The following ADARB2 variants were observed in gnomAD, a reference collection of about 807,000 sequenced individuals.
The protein encoded by ADARB2 is adenosine deaminase RNA specific B2 (inactive), also known as inactive double-stranded RNA-specific editase B2.
Under a neutral mutation model 62.2 loss-of-function variants are expected in ADARB2, and 25 were observed. The observed-to-expected ratio is 0.40, with a 90% CI of 0.29 to 0.56. The LOEUF (loss-of-function observed/expected upper bound fraction) is 0.56. Among genes scored for constraint, ADARB2 ranks in the 20% least tolerant of loss-of-function variants. The pLI, the probability that ADARB2 is intolerant of heterozygous loss-of-function variation, is 0.43. For missense variants in ADARB2, 1,071 were observed against 1,077.4 expected (o/e 0.99, Z 0.08); for synonymous variants, 572 against 500.8 (o/e 1.14, Z -1.90).
chr10:1,689,976 G>GT (rs1247629420), intron 1 of ADARB2, among the ~76,000 whole-genome samples: 3 of 152,018 alleles, frequency 2.0e-5, no homozygotes, highest in Non-Finnish European at 4.4e-5. Flanking sequence ...GAAATGTGGG[G>GT]TTTTTTTGTT....
intron 4 of ADARB2, among the ~76,000 whole-genome samples, chr10:1,251,953 C>T (rs557468653): frequency 6.6e-6 from 1 of 152,210 alleles, no homozygotes; most frequent in Admixed American, 6.5e-5. Context: ...TTGTGGACTT[C>T]CCAGCCCCCA....
rs1831413849 is a variant in ADARB2, at chr10:1,477,225, A to G, written c.101-98065T>C. On this transcript the variant is annotated intron_variant, in intron 1 of 9. Transcript: ENST00000381312. This position sits in a 1 kb window ranked among gnomAD's most constrained non-coding sequence, Gnocchi z 4.5. ...AGGAGAAGTGACTGCACTGATCAGA[A>G]GTGTGGAGTCCTGATAAGATTAGTA... is the stretch of plus-strand genomic sequence containing the variant. Among the ~76,000 whole-genome samples the G allele has an allele frequency of 6.6e-6, 1 of 152,190 alleles. No individual in the cohort carries two copies. Among genetic ancestry groups the G allele is most frequent in the Admixed American group, 6.5e-5 (1 of 15,276 alleles).
At chr10:1,694,044 C>T (rs1422550066) in intron 1 of ADARB2, among the ~76,000 whole-genome samples, 5 of 152,184 alleles carry the variant, frequency 3.3e-5, no homozygotes, top group Admixed American at 1.3e-4. Context: ...CTCTAGTAAT[C>T]GACTTCTTGG....
intron 1 of ADARB2, among the ~76,000 whole-genome samples, chr10:1,442,249 G>T (rs997329682): frequency 6.6e-5 from 10 of 152,172 alleles, no homozygotes; most frequent in African/African-American, 2.2e-4. Flanking sequence ...GACAGCTCAG[G>T]TTTCCCTCCT....
At position 1,363,423 on chromosome 10, in the gene ADARB2, C is replaced by G. The variant is rs757120138; in HGVS notation, c.682G>C (p.Glu228Gln). The change falls in exon 3 of 10, where the codon GAG (glutamate) becomes CAG (glutamine). Residue 228 changes from glutamate (E) to glutamine (Q), a missense_variant. Coordinates refer to ENST00000381312, the MANE Select transcript of ADARB2 (RefSeq NM_018702.4). ...AGTCCGGGGCGCGGCGCCGGGGGCTCGAACTCCTGGAAGAGCGTGTCGGGG... is the reference window on the plus strand; with the variant it reads ...AGTCCGGGGCGCGGCGCCGGGGGCTGGAACTCCTGGAAGAGCGTGTCGGGG... ...DFPDTLFQEFEPPAPRPGLAG... is the reference protein window; with the variant it reads ...DFPDTLFQEFQPPAPRPGLAG... The G allele has an allele frequency of 9.4e-6, 13 of 1,376,372 alleles. No individual in the cohort carries two copies. The highest frequency in any genetic ancestry group is 1.2e-5 in the Non-Finnish European group (13 of 1,063,752). The allele number at this position is 1,376,372 out of a possible 1,614,324, so 85.3% of individuals were successfully genotyped here. A position where few individuals can be genotyped will look rare whatever the true frequency, so the allele number is the denominator to read the frequency against.
At chr10:1,259,735 G>A (rs1831115725) in intron 4 of ADARB2, among the ~76,000 whole-genome samples, 1 of 152,172 alleles carries the variant, frequency 6.6e-6, no homozygotes, top group South Asian at 2.1e-4. Flanking sequence ...GGAGGAACTG[G>A]TACCATTCCT....
chr10:1,581,963 C>T (rs1833108126), intron 1 of ADARB2, among the ~76,000 whole-genome samples: 1 of 152,098 alleles, frequency 6.6e-6, no homozygotes. Flanking sequence ...TCTCCTCCCC[C>T]AGAGGCCACT....
Position 1,398,276 on chromosome 10 carries a change from T to G in ADARB2, c.101-19116A>C, listed in dbSNP as rs1832633272. Among the ~76,000 whole-genome samples the G allele has an allele frequency of 6.6e-6, 1 of 152,236 alleles. No individual in the cohort carries two copies. Among genetic ancestry groups the G allele is most frequent in the African/African-American group, 2.4e-5 (1 of 41,464 alleles). ...CGTCTCTCCCCTCCCGAGTGCAGGC[T>G]TCCTGGGGCAGGGCTTCGCCTGCTT... On this transcript the variant is annotated intron_variant, in intron 1 of 9. Transcript: ENST00000381312. This position sits in a 1 kb window ranked among gnomAD's most constrained non-coding sequence, Gnocchi z 4.1.
intron 4 of ADARB2, among the ~76,000 whole-genome samples, chr10:1,259,510 A>G (rs1257552657): frequency 6.6e-6 from 1 of 152,266 alleles, no homozygotes; most frequent in Non-Finnish European, 1.5e-5. Flanking sequence ...ATTAGAGAAT[A>G]CTATAAACAC....
intron 1 of ADARB2, among the ~76,000 whole-genome samples, chr10:1,645,422 A>G (rs866006224): frequency 1.4e-4 from 21 of 152,238 alleles, no homozygotes; most frequent in African/African-American, 4.8e-4. Flanking sequence ...CTGCCCCTGC[A>G]GTGCCATTGC....
At chr10:1,247,564 G>A (rs1320904708) in intron 4 of ADARB2, among the ~76,000 whole-genome samples, 5 of 152,156 alleles carry the variant, frequency 3.3e-5, no homozygotes, top group Non-Finnish European at 5.9e-5. Context: ...AGGAGAGGGC[G>A]GGCGTCATCA....
At chr10:1,242,633 G>C (rs530843441) in intron 4 of ADARB2, among the ~76,000 whole-genome samples, 1 of 152,204 alleles carries the variant, frequency 6.6e-6, no homozygotes, top group Admixed American at 6.5e-5. Context: ...CTGAGTCCCA[G>C]GTCCCCTGTG....
At chr10:1,399,497 C>T (rs899425981) in intron 1 of ADARB2, among the ~76,000 whole-genome samples, 2 of 151,994 alleles carry the variant, frequency 1.3e-5, no homozygotes, top group African/African-American at 4.8e-5. Flanking sequence ...GACTGAAGCT[C>T]AGTCAATTAG....
chr10:1,627,348 G>C (rs1222239061), intron 1 of ADARB2, among the ~76,000 whole-genome samples: 1 of 152,130 alleles, frequency 6.6e-6, no homozygotes, highest in African/African-American at 2.4e-5. Flanking sequence ...CCACAAAGGA[G>C]AGAAATTCTC....
At chr10:1,601,739 C>T (rs113886930) in intron 1 of ADARB2, among the ~76,000 whole-genome samples, 22 of 152,298 alleles carry the variant, frequency 1.4e-4, no homozygotes, top group African/African-American at 2.2e-4. Context: ...CAGCATCAGC[C>T]GCTGCGGTCT....
intron 3 of ADARB2, among the ~76,000 whole-genome samples, chr10:1,316,857 C>G (rs1472768649): frequency 6.6e-6 from 1 of 152,134 alleles, no homozygotes; most frequent in African/African-American, 2.4e-5. Flanking sequence ...ATTGTTTTTC[C>G]GCGAATGAGT....
At chr10:1,445,510 A>C (rs1336981985) in intron 1 of ADARB2, among the ~76,000 whole-genome samples, 1 of 151,084 alleles carries the variant, frequency 6.6e-6, no homozygotes, top group Non-Finnish European at 1.5e-5. Flanking sequence ...CCATCCATCC[A>C]TCTGTCCACT....
intron 3 of ADARB2, among the ~76,000 whole-genome samples, chr10:1,272,284 A>G (rs1831270013): frequency 6.6e-6 from 1 of 152,156 alleles, no homozygotes; most frequent in Non-Finnish European, 1.5e-5. Context: ...TGGTTTCCAC[A>G]TTTCCACCGG....
At chr10:1,431,687 T>C (rs1225461107) in intron 1 of ADARB2, among the ~76,000 whole-genome samples, 1 of 152,030 alleles carries the variant, frequency 6.6e-6, no homozygotes, top group Non-Finnish European at 1.5e-5. Flanking sequence ...AAAAAATCTA[T>C]AAAACTAAAA....
Sources: allele counts gnomAD v4.1 joint callset (sites outside exome capture counted in the v4.1 genomes callset), GRCh38; gene constraint gnomAD v4.1.1; non-coding constraint Gnocchi (gnomAD v3.1); transcripts MANE v1.5; gene names NCBI Gene and HGNC (gene_info 2026-07-23, HGNC 2026-07-21).